Variants in CDYL2 observed in about 807,000 individuals in gnomAD.
The protein encoded by CDYL2 is chromodomain Y-like protein 2.
Under a neutral mutation model 49.4 loss-of-function variants are expected in CDYL2, and 23 were observed. The observed-to-expected ratio is 0.47, with a 90% CI of 0.34 to 0.66. The LOEUF (loss-of-function observed/expected upper bound fraction) is 0.66, where lower values mean the gene tolerates loss of function less well. Ranked by LOEUF, CDYL2 falls within the 30% of genes least tolerant of loss-of-function variation. CDYL2 has a pLI of 0.01. For synonymous variants in CDYL2, 360 were observed against 268.8 expected, an observed-to-expected ratio of 1.34 and a Z score of -3.32; for missense variants, 678 against 656.4, an observed-to-expected ratio of 1.03 and a Z score of -0.36.
At chr16:80,746,023 T>A (rs1167835188) in intron 1 of CDYL2, among the ~76,000 whole-genome samples, 1 of 152,182 alleles carries the variant, frequency 6.6e-6, no homozygotes, top group Non-Finnish European at 1.5e-5. Context: ...CGCACTTGTC[T>A]CTGTATTATC....
chr16:80,746,762 G>C (rs1197198364), intron 1 of CDYL2, among the ~76,000 whole-genome samples: 2 of 152,122 alleles, frequency 1.3e-5, no homozygotes, highest in Non-Finnish European at 2.9e-5. Flanking sequence ...CCAGCAATAT[G>C]GCACAACATA....
At chr16:80,615,561 C>G (rs1336511368) in intron 4 of CDYL2, among the ~76,000 whole-genome samples, 1 of 152,122 alleles carries the variant, frequency 6.6e-6, no homozygotes, top group Non-Finnish European at 1.5e-5. Flanking sequence ...TGCTGTGGGT[C>G]TCCTGTAAGC....
intron 1 of CDYL2, among the ~76,000 whole-genome samples, chr16:80,700,167 T>C (rs1413670375): frequency 2.0e-5 from 3 of 152,162 alleles, no homozygotes; most frequent in Non-Finnish European, 2.9e-5. Context: ...CCAAAACAAT[T>C]TTTAAAAAGA....
In CDYL2 at chr16:80,653,490, A is replaced by G. The variant is rs114986014; in HGVS notation, c.617-20254T>C. Among the ~76,000 whole-genome samples, 641 of 152,282 alleles carry G rather than the reference A, an allele frequency of 4.2e-3. 3 individuals are homozygous for G. Among genetic ancestry groups the G allele is most frequent in the African/African-American group, 0.015 (613 of 41,556 alleles). ...CAAAAAACAAAAAAGCAAACAAACG[A>G]AAAAACAAAAAAGTGAAATTTATTT... is the stretch of plus-strand genomic sequence containing the variant. On this transcript the variant is annotated intron_variant, in intron 2 of 6. Coordinates refer to ENST00000570137, the MANE Select transcript of CDYL2 (RefSeq NM_152342.4).
intron 1 of CDYL2, among the ~76,000 whole-genome samples, chr16:80,798,566 T>C (rs1320235410): frequency 3.3e-5 from 5 of 152,242 alleles, no homozygotes; most frequent in Non-Finnish European, 7.3e-5. Context: ...CTTACTTTAT[T>C]GTAAGAATAG....
chr16:80,626,777 T>C (rs996702898), intron 3 of CDYL2, among the ~76,000 whole-genome samples: 1 of 152,132 alleles, frequency 6.6e-6, no homozygotes, highest in Non-Finnish European at 1.5e-5. Flanking sequence ...ACTGGGAAAA[T>C]ACTGTTTTTT....
At chr16:80,745,979 A>G (rs1424159903) in intron 1 of CDYL2, among the ~76,000 whole-genome samples, 2 of 152,192 alleles carry the variant, frequency 1.3e-5, no homozygotes, top group East Asian at 1.9e-4. Context: ...CCTGCTATCA[A>G]TCAGCAAGGC....
At chr16:80,780,106 A>G (rs935338231) in intron 1 of CDYL2, among the ~76,000 whole-genome samples, 1 of 152,224 alleles carries the variant, frequency 6.6e-6, no homozygotes, top group Non-Finnish European at 1.5e-5. Flanking sequence ...AGAAAGTTGT[A>G]AAACTGTGAC....
chr16:80,780,759 C>T (rs1597130662), intron 1 of CDYL2, among the ~76,000 whole-genome samples: 1 of 152,076 alleles, frequency 6.6e-6, no homozygotes, highest in Non-Finnish European at 1.5e-5. Context: ...ATTTCGAATA[C>T]TATTCTATAC....
intron 2 of CDYL2, chr16:80,662,635 A>T: frequency 2.3e-6 from 1 of 427,746 alleles, no homozygotes; most frequent in South Asian, 1.7e-5. Context: ...AACTTCCTGC[A>T]ATGATGAAAA....
At chr16:80,668,767 T>A (rs1442249671) in intron 2 of CDYL2, among the ~76,000 whole-genome samples, 1 of 151,466 alleles carries the variant, frequency 6.6e-6, no homozygotes, top group African/African-American at 2.4e-5. Flanking sequence ...GGCACGGGGG[T>A]GGGCACCTGT....
At chr16:80,784,868 C>A (rs541571080) in intron 1 of CDYL2, among the ~76,000 whole-genome samples, 2 of 152,162 alleles carry the variant, frequency 1.3e-5, no homozygotes, top group South Asian at 2.1e-4. Context: ...GGGAGGCATC[C>A]TTAGTGAAAC....
chr16:80,685,165 G>T, intron 1 of CDYL2, 36 bp from the exon 2 acceptor site: 2 of 1,535,168 alleles, frequency 1.3e-6, no homozygotes, highest in Non-Finnish European at 8.9e-7. Flanking sequence ...AAAACAGAGA[G>T]AGAGGGAGGA....
At chr16:80,623,380 C>T (rs1205681920) in intron 3 of CDYL2, among the ~76,000 whole-genome samples, 1 of 152,178 alleles carries the variant, frequency 6.6e-6, no homozygotes, top group Non-Finnish European at 1.5e-5. Flanking sequence ...TGCAAGTAGA[C>T]TGCTTAGTGC....
chr16:80,777,052 G>A (rs913397463), intron 1 of CDYL2, among the ~76,000 whole-genome samples: 3 of 151,978 alleles, frequency 2.0e-5, no homozygotes, highest in African/African-American at 7.3e-5. Flanking sequence ...GACCTCCTAA[G>A]CTCAGGCAAT....
At chr16:80,727,067 C>A (rs1334419642) in intron 1 of CDYL2, among the ~76,000 whole-genome samples, 1 of 152,088 alleles carries the variant, frequency 6.6e-6, no homozygotes, top group African/African-American at 2.4e-5. Context: ...GCAAGACAAT[C>A]TCAAAAAGAA....
At chr16:80,674,235 C>T (rs910101980) in intron 2 of CDYL2, among the ~76,000 whole-genome samples, 1 of 152,164 alleles carries the variant, frequency 6.6e-6, no homozygotes, top group African/African-American at 2.4e-5. Context: ...CCTTCTGTGA[C>T]ACTTGGACTA....
intron 2 of CDYL2, among the ~76,000 whole-genome samples, chr16:80,638,167 T>C (rs9933317): frequency 0.059 from 8,981 of 152,090 alleles, 819 homozygotes; most frequent in African/African-American, 0.2. Context: ...CTCAACCTCC[T>C]AGGCTCAAAC....
chr16:80,646,805 C>G (rs1020509765), intron 2 of CDYL2, among the ~76,000 whole-genome samples: 1 of 149,884 alleles, frequency 6.7e-6, no homozygotes, highest in Non-Finnish European at 1.5e-5. Flanking sequence ...ACAAACAAAA[C>G]AAAACAAAAC....
Sources: allele counts gnomAD v4.1 joint callset (sites outside exome capture counted in the v4.1 genomes callset), GRCh38; gene constraint gnomAD v4.1.1; transcripts MANE v1.5; gene names NCBI Gene and HGNC (gene_info 2026-07-23, HGNC 2026-07-21).